RFX8: variants seen among roughly 807,000 people sequenced by gnomAD.
The protein encoded by RFX8 is regulatory factor X8, also known as DNA-binding protein RFX8.
In RFX8, 46 loss-of-function variants were observed where a neutral mutation model predicts 54.6. That is an observed-to-expected ratio of 0.84 (90% CI 0.67 to 1.08). RFX8 has a LOEUF of 1.08. RFX8 is among the 50% of genes least tolerant of loss of function. The probability of loss-of-function intolerance (pLI) is 0.00; values close to 1 mark genes in which losing one functional copy is unlikely to be tolerated. For synonymous variants in RFX8, 192 were observed against 209.5 expected, an observed-to-expected ratio of 0.92 and a Z score of 0.72; for missense variants, 536 against 562.3, an observed-to-expected ratio of 0.95 and a Z score of 0.47.
At chr2:101,459,251 G>A (rs567915431) in intron 2 of RFX8, among the ~76,000 whole-genome samples, 2 of 152,208 alleles carry the variant, frequency 1.3e-5, no homozygotes, top group Admixed American at 6.5e-5. Flanking sequence ...GTTTTGTTCC[G>A]TTGCTGGCGA....
rs145054258 is a variant in RFX8 at position 101,448,018 on chromosome 2, A to G, written c.72+18759T>C. Among the ~76,000 whole-genome samples the G allele has an allele frequency of 5.4e-3, 825 of 152,336 alleles. 8 individuals are homozygous for G. Among genetic ancestry groups the G allele is most frequent in the African/African-American group, 0.018 (757 of 41,564 alleles). ...GTGCCCTCACATGGCAGAAGAGACGAAAGGGCCAGCTAGCTCTCTGAAGCC... is the reference window on the plus strand; with the variant it reads ...GTGCCCTCACATGGCAGAAGAGACGGAAGGGCCAGCTAGCTCTCTGAAGCC... On this transcript the variant is annotated intron_variant, in intron 2 of 11. Transcript: ENST00000428343.
chr2:101,413,465 T>A (rs766735626), intron 7 of RFX8, among the ~76,000 whole-genome samples: 4 of 152,114 alleles, frequency 2.6e-5, no homozygotes, highest in Non-Finnish European at 5.9e-5. Flanking sequence ...GGCTGTCCCT[T>A]CCTCGTGGGA....
At chr2:101,425,697 C>T (rs1687131252) in intron 2 of RFX8, among the ~76,000 whole-genome samples, 1 of 152,192 alleles carries the variant, frequency 6.6e-6, no homozygotes, top group South Asian at 2.1e-4. Context: ...TCATTAAAAA[C>T]TGTGAAAAGA....
rs746226736 is a variant in RFX8, at chr2:101,468,427, G to C, written c.-52-1527C>G. Among the ~76,000 whole-genome samples, 7 of 152,178 alleles carry C rather than the reference G, an allele frequency of 4.6e-5. No individual in the cohort carries two copies. In the South Asian group the frequency reaches 1.5e-3, roughly 32 times the overall value. Reference sequence around the variant, plus strand: ...TACACAGCCTTCTCCCTGTGTGTCCGTATCTCTGAGAATTTTATTGTTTTT... The same window carrying C: ...TACACAGCCTTCTCCCTGTGTGTCCCTATCTCTGAGAATTTTATTGTTTTT... On this transcript the variant is annotated intron_variant, in intron 1 of 11. Coordinates refer to ENST00000428343, the MANE Select transcript of RFX8 (RefSeq NM_001145664.2).
Position 101,410,637 on chromosome 2 carries a change from GA to G in RFX8, c.794del (p.Leu265ProfsTer24), listed in dbSNP as rs771375096. On this transcript the variant is annotated frameshift_variant, in exon 9 of 12. Coordinates refer to ENST00000428343, the MANE Select transcript of RFX8 (RefSeq NM_001145664.2). LOFTEE classifies it high-confidence loss of function. ...TTCCTACCTGGAACACAAATGCTTG[GA>G]GATGTGAAGACAGACAGCTGAGGAA... ...RVFLSCLSSH[L>X]QAFVFQTSRS... is the part of the protein sequence containing the mutation. 6.5e-7 allele frequency: 1 copy of G among 1,533,828 alleles called. No homozygotes were observed. Among genetic ancestry groups the G allele is most frequent in the South Asian group, 1.2e-5 (1 of 82,586 alleles).
chr2:101,454,344 C>G (rs1313307932), intron 2 of RFX8, among the ~76,000 whole-genome samples: 1 of 152,106 alleles, frequency 6.6e-6, no homozygotes, highest in African/African-American at 2.4e-5. Context: ...GTGAATAGTG[C>G]TATAATAAAC....
chr2:101,423,333 G>A (rs1454639566), intron 2 of RFX8, among the ~76,000 whole-genome samples: 5 of 151,844 alleles, frequency 3.3e-5, no homozygotes, highest in African/African-American at 9.7e-5. Context: ...AAGCAAGTGC[G>A]ACATTCCTCC....
intron 1 of RFX8, chr2:101,474,428 C>A (rs1690195444): frequency 8.1e-6 from 3 of 368,180 alleles, no homozygotes; most frequent in Non-Finnish European, 1.4e-5. Context: ...GGAGCCCAGT[C>A]CTCCAGGCCC....
At chr2:101,428,079 G>A (rs190778101) in intron 2 of RFX8, among the ~76,000 whole-genome samples, 1 of 152,076 alleles carries the variant, frequency 6.6e-6, no homozygotes, top group East Asian at 1.9e-4. Flanking sequence ...AGATCTCTTG[G>A]GGTCAGGAGT....
chr2:101,402,678 C>T lies in RFX8; in HGVS notation c.1003G>A (p.Glu335Lys), dbSNP rs1033812849. ...HILQSCLEEE[E>K]EEEDMGTVKE... The stretch of plus-strand genomic sequence containing the variant: ...ACAGTCCCCATGTCCTCCTCCTCCT[C>T]TTCCTCCTCTAGGCATGACTGAAGT... The change falls in exon 11 of 12, where the codon GAG (glutamate) becomes AAG (lysine). Residue 335 changes from glutamate to lysine, a missense_variant. By Grantham distance (56) the Glu-to-Lys change is moderately conservative. Transcript: ENST00000428343. 4 of 1,555,212 alleles carry T rather than the reference C, an allele frequency of 2.6e-6. No individual in the cohort carries two copies. Among genetic ancestry groups the T allele is most frequent in the Non-Finnish European group, 3.5e-6 (4 of 1,148,650 alleles).
At chr2:101,401,959 T>C (rs952987147) in intron 11 of RFX8, among the ~76,000 whole-genome samples, 2 of 152,252 alleles carry the variant, frequency 1.3e-5, no homozygotes, top group African/African-American at 4.8e-5. Flanking sequence ...GGCTTCGAGA[T>C]AACATACATA....
At chr2:101,399,869 A>G (rs1209474682) in intron 11 of RFX8, among the ~76,000 whole-genome samples, 1 of 152,126 alleles carries the variant, frequency 6.6e-6, no homozygotes, top group Non-Finnish European at 1.5e-5. Flanking sequence ...GTCCCAAGAG[A>G]CCAATTTTGG....
At chr2:101,433,009 A>T (rs1687573757) in intron 2 of RFX8, among the ~76,000 whole-genome samples, 1 of 151,740 alleles carries the variant, frequency 6.6e-6, no homozygotes, top group African/African-American at 2.4e-5. Flanking sequence ...GGATTTAATA[A>T]CCACTGGAGG....
At chr2:101,432,814 G>A (rs566770561) in intron 2 of RFX8, among the ~76,000 whole-genome samples, 4 of 152,306 alleles carry the variant, frequency 2.6e-5, no homozygotes, top group East Asian at 1.9e-4. Flanking sequence ...CTTGCTCTCC[G>A]AGGCCTGTGA....
intron 2 of RFX8, among the ~76,000 whole-genome samples, chr2:101,446,443 G>C (rs1421347109): frequency 6.6e-6 from 1 of 152,012 alleles, no homozygotes; most frequent in African/African-American, 2.4e-5. Context: ...CAAAGTGCTG[G>C]GATTACAGGC....
At chr2:101,431,355 G>A (rs1687476636) in intron 2 of RFX8, among the ~76,000 whole-genome samples, 1 of 152,176 alleles carries the variant, frequency 6.6e-6, no homozygotes, top group Non-Finnish European at 1.5e-5. Context: ...AGTGTCGGGT[G>A]CTAGGAAAAC....
At chr2:101,441,920 G>C (rs1220897070) in intron 2 of RFX8, among the ~76,000 whole-genome samples, 1 of 152,148 alleles carries the variant, frequency 6.6e-6, no homozygotes, top group Admixed American at 6.5e-5. Flanking sequence ...TGGTATGTTA[G>C]CACTTAAGTC....
intron 5 of RFX8, among the ~76,000 whole-genome samples, chr2:101,418,609 C>T (rs1686674340): frequency 6.6e-6 from 1 of 152,178 alleles, no homozygotes; most frequent in African/African-American, 2.4e-5. Flanking sequence ...CGACTCAATT[C>T]GGACTTCACT....
chr2:101,419,241 G>T (rs1315605184), intron 4 of RFX8, among the ~76,000 whole-genome samples: 1 of 152,136 alleles, frequency 6.6e-6, no homozygotes, highest in Non-Finnish European at 1.5e-5. Flanking sequence ...TGACCACAAG[G>T]GGGCTCCAGT....
Sources: gnomAD v4.1 joint callset for allele counts (sites outside exome capture counted in the v4.1 genomes callset) on GRCh38, gnomAD v4.1.1 for gene constraint, MANE v1.5 for transcripts, NCBI Gene and HGNC (gene_info 2026-07-23, HGNC 2026-07-21) for gene names.